COL4A3: variants seen among roughly 807,000 people sequenced by gnomAD.
The protein encoded by COL4A3 is collagen alpha-3(IV) chain.
COL4A3 carries 135 observed loss-of-function variants against 217.4 expected under a neutral mutation model. The ratio of observed to expected loss-of-function variants is 0.62; its 90% confidence interval spans 0.54 to 0.72. COL4A3 has a LOEUF of 0.72. COL4A3 is among the 30% of genes least tolerant of loss of function. The pLI is 0.00. For missense variants in COL4A3, 1,868 were observed against 2,119.9 expected, an observed-to-expected ratio of 0.88 and a Z score of 2.33; for synonymous variants, 690 against 736.3, an observed-to-expected ratio of 0.94 and a Z score of 1.02.
At position 227,204,039 on chromosome 2, in the gene COL4A3, A is replaced by G. The variant is rs114048324; in HGVS notation, c.88-33929A>G. Among the ~76,000 whole-genome samples the G allele has an allele frequency of 6.7e-3, 1,024 of 152,228 alleles. 11 individuals carry two copies. The highest frequency in any genetic ancestry group is 0.024 in the African/African-American group (987 of 41,530). On this transcript the variant is annotated intron_variant, in intron 1 of 51. Coordinates refer to ENST00000396578, the MANE Select transcript of COL4A3 (RefSeq NM_000091.5). Reference sequence around the variant, plus strand: ...GGATGCAGAAGTGGAAAAAATGGTAAGAACCTTTATAGTATGGTGCTGACA... The same window carrying G: ...GGATGCAGAAGTGGAAAAAATGGTAGGAACCTTTATAGTATGGTGCTGACA...
intron 46 of COL4A3, among the ~76,000 whole-genome samples, chr2:227,304,543 T>G (rs1205329703): frequency 1.3e-5 from 2 of 152,218 alleles, no homozygotes; most frequent in East Asian, 3.9e-4. Context: ...GAAAAAATGA[T>G]TTAGAAATCT....
Position 227,276,412 on chromosome 2 carries a change from C to T in COL4A3, c.1955C>T (p.Thr652Ile). The T allele has an allele frequency of 6.2e-7, 1 of 1,614,194 alleles. No individual in the cohort carries two copies. Among genetic ancestry groups the T allele is most frequent in the East Asian group, 2.2e-5 (1 of 44,892 alleles). ...AGPRGELSVS[T>I]PVPGPPGPPG... ...CCTAGGGGAGAGCTCAGTGTTTCAA[C>T]ACCAGTTCCAGGCCCACCAGGACCT... The change falls in exon 27 of 52, where the codon ACA (threonine) becomes ATA (isoleucine). Residue 652 changes from threonine to isoleucine, a missense_variant. By Grantham distance (89) the Thr-to-Ile change is moderately conservative. Coordinates refer to ENST00000396578, the MANE Select transcript of COL4A3 (RefSeq NM_000091.5).
At chr2:227,284,007 A>C in intron 33 of COL4A3, 151 bp downstream of exon 33, 1 of 971,422 alleles carries the variant, frequency 1.0e-6, no homozygotes, top group African/African-American at 1.6e-5. Context: ...CCTTTTCTCC[A>C]TTTGAATGGA....
At chr2:227,275,536 A>G (rs1483028772) in intron 26 of COL4A3, among the ~76,000 whole-genome samples, 1 of 152,208 alleles carries the variant, frequency 6.6e-6, no homozygotes, top group Non-Finnish European at 1.5e-5. Flanking sequence ...GTCATAAAAT[A>G]TATTATTACC....
At chr2:227,251,308 T>C in intron 10 of COL4A3, 28 bp from the exon 11 acceptor site, 1 of 1,612,646 alleles carries the variant, frequency 6.2e-7, no homozygotes, top group African/African-American at 1.3e-5. Flanking sequence ...CATTTCCTGC[T>C]GTGATTTTCA....
chr2:227,267,270 T>G (rs1047322903), intron 23 of COL4A3, among the ~76,000 whole-genome samples, 182 bp downstream of exon 23: 1 of 152,214 alleles, frequency 6.6e-6, no homozygotes, highest in Non-Finnish European at 1.5e-5. Context: ...GCTGGTATTT[T>G]TCCCTATTCC....
At chr2:227,227,779 T>C (rs2068178475) in intron 1 of COL4A3, 1 of 152,184 alleles carries the variant, frequency 6.6e-6, no homozygotes, top group Non-Finnish European at 1.5e-5. Context: ...CTGAGATCAT[T>C]ACAGTGCTGA....
intron 1 of COL4A3, among the ~76,000 whole-genome samples, chr2:227,190,752 A>T (rs1490072524): frequency 6.6e-6 from 1 of 152,164 alleles, no homozygotes; most frequent in Admixed American, 6.5e-5. Context: ...ACAAAAAATT[A>T]AAAAATTAGT....
intron 1 of COL4A3, among the ~76,000 whole-genome samples, chr2:227,178,711 G>GT (rs111779546): frequency 0.02 from 2,951 of 145,060 alleles, 67 homozygotes; most frequent in African/African-American, 0.059. Context: ...TTTTGTTTTT[G>GT]TTTTTTTTTT....
chr2:227,216,268 T>A (rs767795918), intron 1 of COL4A3, among the ~76,000 whole-genome samples: 1 of 152,214 alleles, frequency 6.6e-6, no homozygotes, highest in Non-Finnish European at 1.5e-5. Flanking sequence ...AATCAAAGGA[T>A]GTTTAAAATA....
At chr2:227,236,518 T>G (rs2068710244) in intron 1 of COL4A3, among the ~76,000 whole-genome samples, 1 of 152,128 alleles carries the variant, frequency 6.6e-6, no homozygotes, top group African/African-American at 2.4e-5. Flanking sequence ...ATCCAGTATA[T>G]CTCCTAGATT....
chr2:227,244,919 T>C, intron 4 of COL4A3, 32 bp from the exon 5 acceptor site: 2 of 1,609,836 alleles, frequency 1.2e-6, no homozygotes, highest in Admixed American at 1.7e-5. Context: ...TTTTTTTTTT[T>C]TGCCACCCCC....
intron 1 of COL4A3, among the ~76,000 whole-genome samples, chr2:227,207,309 A>G (rs1455833133): frequency 6.6e-6 from 1 of 152,168 alleles, no homozygotes; most frequent in Non-Finnish European, 1.5e-5. Flanking sequence ...TAAAACACAC[A>G]CTAAAAAAAT....
chr2:227,279,502 A>T (rs906898096), intron 28 of COL4A3: 8 of 398,340 alleles, frequency 2.0e-5, no homozygotes, highest in African/African-American at 1.6e-4. Context: ...GTATGTAAAA[A>T]ATACTTCAAA....
rs180845372 is a variant in COL4A3 at position 227,176,192 on chromosome 2, T to C, written c.87+11379T>C. On this transcript the variant is annotated intron_variant, in intron 1 of 51. Transcript: ENST00000396578. ...TTTAATTGATTTGGTGCCATTATTT[T>C]GATAATTATTTATGTACATATGGAA... is the stretch of plus-strand genomic sequence containing the variant. Among the ~76,000 whole-genome samples the C allele has an allele frequency of 3.3e-4, 50 of 152,372 alleles. No individual in the cohort carries two copies. In the South Asian group the frequency reaches 3.5e-3, roughly 11 times the overall value.
At chr2:227,304,256 A>G in intron 46 of COL4A3, 112 bp downstream of exon 46, 1 of 1,396,830 alleles carries the variant, frequency 7.2e-7, no homozygotes, top group Non-Finnish European at 1.0e-6. Context: ...TGAACATGAT[A>G]GTGGTTTTCA....
intron 34 of COL4A3, among the ~76,000 whole-genome samples, chr2:227,287,579 A>G (rs564592012): frequency 6.6e-6 from 1 of 152,346 alleles, no homozygotes; most frequent in African/African-American, 2.4e-5. Context: ...ATTGCAATCA[A>G]TGACATAAAA....
chr2:227,284,086 G>C, intron 33 of COL4A3, 125 bp from the exon 34 acceptor site: 1 of 1,330,534 alleles, frequency 7.5e-7, no homozygotes, highest in South Asian at 1.3e-5. Context: ...TATTTATCAA[G>C]TTCTCAGCAC....
chr2:227,246,113 A>G, intron 6 of COL4A3, 97 bp downstream of exon 6: 3 of 975,582 alleles, frequency 3.1e-6, no homozygotes, highest in Admixed American at 1.9e-5. Flanking sequence ...CTTCCCTTGA[A>G]AACATTCCTT....
Sources: gnomAD v4.1 joint callset for allele counts (sites outside exome capture counted in the v4.1 genomes callset) on GRCh38, gnomAD v4.1.1 for gene constraint, MANE v1.5 for transcripts, NCBI Gene and HGNC (gene_info 2026-07-23, HGNC 2026-07-21) for gene names.